Variants in BIRC6 observed in about 807,000 individuals in gnomAD.
BIRC6 encodes baculoviral IAP repeat containing 6, also known as dual E2 ubiquitin-conjugating enzyme/E3 ubiquitin-protein ligase BIRC6.
In BIRC6, 98 loss-of-function variants were observed where a neutral mutation model predicts 503.3. The observed-to-expected ratio is 0.19, with a 90% confidence interval of 0.17 to 0.23. BIRC6 has a LOEUF of 0.23. Ranked by LOEUF, BIRC6 falls within the 10% of genes least tolerant of loss-of-function variation. The pLI, the probability that BIRC6 is intolerant of heterozygous loss-of-function variation, is 1.00. For synonymous variants in BIRC6, 2,240 were observed against 2,078.7 expected (o/e 1.08, Z -2.11); for missense variants, 5,360 against 5,806.0 (o/e 0.92, Z 2.50).
intron 65 of BIRC6, among the ~76,000 whole-genome samples, chr2:32,571,646 G>T (rs1017595874): frequency 6.6e-6 from 1 of 151,586 alleles, no homozygotes; most frequent in Non-Finnish European, 1.5e-5. Flanking sequence ...TCTCTTCTTG[G>T]TTAGTCTAGC....
chr2:32,438,583 G>A (rs183885939), intron 15 of BIRC6, among the ~76,000 whole-genome samples: 4,244 of 138,012 alleles, frequency 0.031, 158 homozygotes, highest in African/African-American at 0.094. Context: ...TTTTTGAGAC[G>A]GAGTCTTGCT....
chr2:32,580,361 A>T lies in BIRC6; in HGVS notation c.13355+4995A>T, dbSNP rs548514289. On this transcript the variant is annotated intron_variant, in intron 66 of 73. Coordinates refer to ENST00000421745, the MANE Select transcript of BIRC6 (RefSeq NM_016252.4). ...GAGGCCTAAAGGATACATAGGAATT[A>T]ACCAAGAATAGAGTACAAATGAAGA... is the stretch of plus-strand genomic sequence containing the variant. 5.3e-5 allele frequency among the ~76,000 whole-genome samples: 8 copies of T among 152,322 alleles called. No homozygotes were observed. In the East Asian group the frequency reaches 1.4e-3, roughly 26 times the overall value.
intron 63 of BIRC6, 70 bp from the exon 64 acceptor site, chr2:32,547,780 C>T (rs2058154813): frequency 1.5e-6 from 2 of 1,301,562 alleles, no homozygotes; most frequent in Non-Finnish European, 2.1e-6. Flanking sequence ...TTTTACTTTC[C>T]CAGTGATAAA....
At chr2:32,510,315 G>T (rs2054270097) in intron 52 of BIRC6, among the ~76,000 whole-genome samples, 1 of 152,164 alleles carries the variant, frequency 6.6e-6, no homozygotes, top group African/African-American at 2.4e-5. Context: ...CTGACCTCAG[G>T]TGATCCACCC....
intron 66 of BIRC6, among the ~76,000 whole-genome samples, chr2:32,580,322 T>C (rs1030080115): frequency 6.6e-6 from 1 of 151,998 alleles, no homozygotes. Flanking sequence ...TACAGGAAAA[T>C]CAATCCAGAT....
intron 26 of BIRC6, among the ~76,000 whole-genome samples, 166 bp downstream of exon 26, chr2:32,465,330 A>G (rs938299859): frequency 1.7e-4 from 26 of 149,068 alleles, no homozygotes; most frequent in African/African-American, 6.0e-4. Context: ...TTACATGTTC[A>G]AGCTTTGTGC....
chr2:32,502,008 A>C, intron 47 of BIRC6, 120 bp downstream of exon 47: 1 of 968,336 alleles, frequency 1.0e-6, no homozygotes, highest in Non-Finnish European at 1.5e-6. Context: ...GAAAAGCATC[A>C]GTACAAGAGG....
intron 73 of BIRC6, among the ~76,000 whole-genome samples, chr2:32,611,830 CT>C: frequency 6.6e-6 from 1 of 152,194 alleles, no homozygotes; most frequent in Admixed American, 6.5e-5. Context: ...TGTAAAGTTC[CT>C]TGAAGATAAT....
chr2:32,515,305 C>G lies in BIRC6; in HGVS notation c.10884C>G (p.Asp3628Glu), dbSNP rs1457656373. ...CTGAAGCTATTAAACAATTACTAGACTCAGGTTTGCCTTCTCTTCTTGTGA... is the reference window on the plus strand; with the variant it reads ...CTGAAGCTATTAAACAATTACTAGAGTCAGGTTTGCCTTCTCTTCTTGTGA... ...QSPEAIKQLL[D>E]SGLPSLLVRS... Residue 3628 changes from aspartate to glutamate, a missense_variant, in exon 55 of 74, where the codon GAC becomes GAG. Physicochemically the swap from Asp to Glu is conservative, Grantham distance 45. This residue lies in a region of BIRC6 where 878 missense variants were observed against 928.9 expected (regional missense o/e 0.95). Coordinates refer to ENST00000421745, the MANE Select transcript of BIRC6 (RefSeq NM_016252.4). The G allele has an allele frequency of 6.2e-7, 1 of 1,613,920 alleles. No homozygotes were observed. Among genetic ancestry groups the G allele is most frequent in the Non-Finnish European group, 8.5e-7 (1 of 1,179,884 alleles).
rs1018209212 is a variant in BIRC6, at chr2:32,411,862, G to C, written c.1478-2907G>C. ...AGTTTCTGCCATTGAGATAGAGACA[G>C]ATCAGTGGAAAGAATTTTCAGTTTA... is the stretch of plus-strand genomic sequence containing the variant. On this transcript the variant is annotated intron_variant, in intron 9 of 73. Coordinates refer to ENST00000421745, the MANE Select transcript of BIRC6 (RefSeq NM_016252.4). 3.9e-5 allele frequency among the ~76,000 whole-genome samples: 6 copies of C among 152,190 alleles called. No individual in the cohort carries two copies. In the East Asian group the frequency reaches 1.2e-3, roughly 29 times the overall value.
chr2:32,593,149 C>T (rs2061486726), intron 66 of BIRC6, among the ~76,000 whole-genome samples: 1 of 152,048 alleles, frequency 6.6e-6, no homozygotes, highest in African/African-American at 2.4e-5. Flanking sequence ...TTTTGAAATT[C>T]TAAGCAGTAG....
chr2:32,421,141 A>G (rs867379654), intron 10 of BIRC6, among the ~76,000 whole-genome samples: 3 of 129,578 alleles, frequency 2.3e-5, no homozygotes, highest in South Asian at 2.4e-4. Flanking sequence ...ACAGAGTTTC[A>G]CTGTCGCCAG....
Position 32,545,495 on chromosome 2 carries a change from C to T in BIRC6, c.12593-148C>T, listed in dbSNP as rs1176720042. ...TTCGTTATTAAATTTTAAGATATTA[C>T]TGTTGTATTTGTGGTATTTGGTTTT... On this transcript the variant is annotated intron_variant, in intron 62 of 73. Coordinates refer to ENST00000421745, the MANE Select transcript of BIRC6 (RefSeq NM_016252.4). The T allele has an allele frequency of 2.0e-5, 13 of 664,688 alleles. No homozygotes were observed. In the South Asian group the frequency reaches 2.1e-4, roughly 10 times the overall value. The allele number at this position is 664,688 out of a possible 1,614,324, so 41.2% of individuals were successfully genotyped here.
chr2:32,452,478 T>C (rs1284107356), intron 22 of BIRC6, among the ~76,000 whole-genome samples: 2 of 152,140 alleles, frequency 1.3e-5, no homozygotes, highest in Admixed American at 6.5e-5. Flanking sequence ...ATTTTAAAGA[T>C]ATGTAGAGGG....
intron 38 of BIRC6, 148 bp downstream of exon 38, chr2:32,481,601 C>T: frequency 1.7e-6 from 1 of 596,354 alleles, no homozygotes; most frequent in Non-Finnish European, 2.6e-6. Context: ...CCCGTCTCTA[C>T]TAAAAATAGA....
At chr2:32,470,930 G>A (rs967769778) in intron 31 of BIRC6, 84 bp from the exon 32 acceptor site, 18 of 1,365,274 alleles carry the variant, frequency 1.3e-5, no homozygotes, top group Admixed American at 2.3e-5. Flanking sequence ...TTTATAGAAT[G>A]TTTTGTTTCA....
intron 65 of BIRC6, among the ~76,000 whole-genome samples, chr2:32,567,609 A>T (rs1330173426): frequency 6.6e-6 from 1 of 152,238 alleles, no homozygotes; most frequent in Non-Finnish European, 1.5e-5. Flanking sequence ...GAAAAGCACT[A>T]AAGCTAAATG....
At position 32,357,179 on chromosome 2, in the gene BIRC6, T is replaced by G; in HGVS notation, c.18T>G (p.Gly6=). MVTGG[G]AAPPGTVTEP... ...GGCCCCGGATGGTGACTGGTGGTGG[T>G]GCTGCACCTCCCGGGACTGTCACTG... The change falls in exon 1 of 74, where the codon GGT becomes GGG. Residue 6 remains glycine, a synonymous_variant. Coordinates refer to ENST00000421745, the MANE Select transcript of BIRC6 (RefSeq NM_016252.4). The surrounding 1 kb of genome is among the most constrained non-coding windows in gnomAD (Gnocchi z 4.9). 6.5e-7 allele frequency: 1 copy of G among 1,533,288 alleles called. No individual in the cohort carries two copies. Among genetic ancestry groups the G allele is most frequent in the Non-Finnish European group, 8.7e-7 (1 of 1,148,776 alleles). The allele number at this position is 1,533,288 out of a possible 1,614,324, so 95.0% of individuals were successfully genotyped here.
intron 1 of BIRC6, among the ~76,000 whole-genome samples, chr2:32,369,673 C>A (rs910711237): frequency 1.3e-5 from 2 of 151,720 alleles, no homozygotes; most frequent in East Asian, 3.9e-4. Context: ...AGTGATCCGC[C>A]CACCTCAGCT....
Sources: gnomAD v4.1 joint callset for allele counts (sites outside exome capture counted in the v4.1 genomes callset) on GRCh38, gnomAD v4.1.1 for gene constraint, gnomAD v4.1.1 regional missense constraint, Gnocchi (gnomAD v3.1) non-coding constraint, MANE v1.5 for transcripts, NCBI Gene and HGNC (gene_info 2026-07-23, HGNC 2026-07-21) for gene names.